The following PLEKHA5 variants were observed in gnomAD, a reference collection of about 807,000 sequenced individuals.
PLEKHA5 encodes the protein pleckstrin homology domain-containing family A member 5.
In PLEKHA5, 55 loss-of-function variants were observed where a neutral mutation model predicts 181.9. The ratio of observed to expected loss-of-function variants is 0.30; its 90% confidence interval spans 0.24 to 0.38. The LOEUF (loss-of-function observed/expected upper bound fraction) is 0.38. Among genes scored for constraint, PLEKHA5 ranks in the 10% least tolerant of loss-of-function variants. The probability of loss-of-function intolerance (pLI) is 1.00; values close to 1 mark genes in which losing one functional copy is unlikely to be tolerated. For synonymous variants in PLEKHA5, 535 were observed against 529.4 expected, an observed-to-expected ratio of 1.01 and a Z score of -0.15; for missense variants, 1,432 against 1,549.5, an observed-to-expected ratio of 0.92 and a Z score of 1.27.
At chr12:19,147,762 G>T (rs887143891) in intron 3 of PLEKHA5, among the ~76,000 whole-genome samples, 12 of 152,126 alleles carry the variant, frequency 7.9e-5, no homozygotes, top group Non-Finnish European at 1.6e-4. Flanking sequence ...TAGAGACAGG[G>T]TCTCACTCTG....
intron 20 of PLEKHA5, among the ~76,000 whole-genome samples, chr12:19,331,461 T>C (rs933689131): frequency 6.6e-6 from 1 of 152,174 alleles, no homozygotes; most frequent in Non-Finnish European, 1.5e-5. Context: ...CACCTCAGCC[T>C]CCCAAACTGC....
intron 3 of PLEKHA5, among the ~76,000 whole-genome samples, chr12:19,197,572 G>C (rs192866793): frequency 1.3e-5 from 2 of 152,094 alleles, no homozygotes; most frequent in Admixed American, 1.3e-4. Context: ...TGTCTTCTCT[G>C]ATAGAAGCTC....
At chr12:19,369,597 A>T in intron 30 of PLEKHA5, 96 bp from the exon 31 acceptor site, 1 of 658,604 alleles carries the variant, frequency 1.5e-6, no homozygotes, top group South Asian at 2.0e-5. Context: ...TTCTCAAAAC[A>T]TGTTCTAATT....
Position 19,371,588 on chromosome 12 carries a change from T to C in PLEKHA5, c.*11+1790T>C, listed in dbSNP as rs556238712. 155 of 183,678 alleles carry C rather than the reference T, an allele frequency of 8.4e-4. 1 individual carries two copies. The highest frequency in any genetic ancestry group is 3.5e-3 in the African/African-American group (146 of 42,212). 11.4% of individuals were successfully genotyped at this position (183,678 alleles called of 1,614,324 possible). A position where few individuals can be genotyped will look rare whatever the true frequency, so the allele number is the denominator to read the frequency against. ...TTGGTTTTCCTTTCCTGAGTTACTT[T>C]ACTTAGAATAATGGCCTCCAGCTCC... On this transcript the variant is annotated intron_variant, in intron 31 of 31. Coordinates refer to ENST00000429027, the MANE Select transcript of PLEKHA5 (RefSeq NM_001256470.2).
chr12:19,234,111 TC>T (rs2061038851), intron 3 of PLEKHA5, among the ~76,000 whole-genome samples: 1 of 152,234 alleles, frequency 6.6e-6, no homozygotes, highest in African/African-American at 2.4e-5. Flanking sequence ...TAACAGGGCA[TC>T]CTTTTTAAAT....
chr12:19,325,666 C>T (rs1460042228), intron 20 of PLEKHA5, among the ~76,000 whole-genome samples: 6 of 142,900 alleles, frequency 4.2e-5, no homozygotes, highest in African/African-American at 1.3e-4. Context: ...CCAGCCTGGG[C>T]GACAGAGCGA....
At chr12:19,170,441 T>C (rs2045626998) in intron 3 of PLEKHA5, among the ~76,000 whole-genome samples, 1 of 152,034 alleles carries the variant, frequency 6.6e-6, no homozygotes, top group Non-Finnish European at 1.5e-5. Context: ...TTTTTTTTTT[T>C]TTGGAGACAG....
chr12:19,312,659 C>T (rs754094839), intron 15 of PLEKHA5, among the ~76,000 whole-genome samples: 1 of 152,192 alleles, frequency 6.6e-6, no homozygotes, highest in Non-Finnish European at 1.5e-5. Context: ...TAGGCTTTGG[C>T]TTAAGGGAAT....
chr12:19,130,097 G>A lies in PLEKHA5; in HGVS notation c.136G>A (p.Ala46Thr). The A allele has an allele frequency of 6.3e-7, 1 of 1,588,150 alleles. No homozygotes were observed. The highest frequency in any genetic ancestry group is 8.6e-7 in the Non-Finnish European group (1 of 1,168,764). Residue 46 changes from alanine (A) to threonine (T), a missense_variant, in exon 2 of 32, where the codon GCG becomes ACG. Coordinates refer to ENST00000429027, the MANE Select transcript of PLEKHA5 (RefSeq NM_001256470.2). The surrounding 1 kb of genome is among the most constrained non-coding windows in gnomAD (Gnocchi z 4.5). ...TTWLHPVTGE[A>T]VVTGHRRQST... ...CTGGCTGCACCCCGTCACCGGCGAG[G>A]CGGTGGTCACCGGACACCGGCGGCA...
chr12:19,256,920 C>A (rs1175192406), intron 5 of PLEKHA5, among the ~76,000 whole-genome samples: 1 of 152,176 alleles, frequency 6.6e-6, no homozygotes, highest in Non-Finnish European at 1.5e-5. Flanking sequence ...AACACTACAT[C>A]ACATTAAGCA....
At chr12:19,174,143 G>C (rs1359995052) in intron 3 of PLEKHA5, among the ~76,000 whole-genome samples, 1 of 152,126 alleles carries the variant, frequency 6.6e-6, no homozygotes, top group Non-Finnish European at 1.5e-5. Flanking sequence ...TTTATTTTAA[G>C]ATATTTCTTT....
intron 3 of PLEKHA5, chr12:19,153,220 T>A (rs539668968): frequency 5.9e-5 from 9 of 152,286 alleles, no homozygotes; most frequent in African/African-American, 2.2e-4. Flanking sequence ...ATTCTCTATT[T>A]CTACTTTAGT....
At chr12:19,190,047 C>G (rs1475965695) in intron 3 of PLEKHA5, among the ~76,000 whole-genome samples, 1 of 152,122 alleles carries the variant, frequency 6.6e-6, no homozygotes, top group East Asian at 1.9e-4. Context: ...TCATTTCCTC[C>G]TTGTGTCGTA....
intron 22 of PLEKHA5, among the ~76,000 whole-genome samples, chr12:19,343,639 A>G (rs971547507): frequency 6.6e-6 from 1 of 152,220 alleles, no homozygotes; most frequent in African/African-American, 2.4e-5. Context: ...GCAAACCTGC[A>G]CAGCATGTGA....
chr12:19,226,142 G>C (rs190810433), intron 3 of PLEKHA5, among the ~76,000 whole-genome samples: 122 of 152,204 alleles, frequency 8.0e-4, no homozygotes, highest in African/African-American at 2.8e-3. Flanking sequence ...TCTGCTTTCT[G>C]TCTCTATGGA....
chr12:19,331,130 A>C (rs1451148537), intron 20 of PLEKHA5, among the ~76,000 whole-genome samples: 1 of 152,122 alleles, frequency 6.6e-6, no homozygotes, highest in East Asian at 1.9e-4. Flanking sequence ...AATAGTAATT[A>C]TTTGCTTTTT....
At chr12:19,239,172 C>G (rs1203716333) in intron 3 of PLEKHA5, among the ~76,000 whole-genome samples, 2 of 152,082 alleles carry the variant, frequency 1.3e-5, no homozygotes, top group African/African-American at 4.8e-5. Context: ...AAGTTAAATA[C>G]GAGGAGGATA....
At chr12:19,229,442 G>A (rs1276119673) in intron 3 of PLEKHA5, among the ~76,000 whole-genome samples, 1 of 152,084 alleles carries the variant, frequency 6.6e-6, no homozygotes, top group East Asian at 1.9e-4. Flanking sequence ...GGCTTCAGGA[G>A]TGAAGCTGCA....
intron 15 of PLEKHA5, among the ~76,000 whole-genome samples, chr12:19,300,856 C>CG (rs1234107035): frequency 6.6e-6 from 1 of 151,530 alleles, no homozygotes; most frequent in Admixed American, 6.6e-5. Context: ...AAAATTTGGA[C>CG]GGGTGCGGTG....
Sources: allele counts gnomAD v4.1 joint callset (sites outside exome capture counted in the v4.1 genomes callset), GRCh38; gene constraint gnomAD v4.1.1; non-coding constraint Gnocchi (gnomAD v3.1); transcripts MANE v1.5; gene names NCBI Gene and HGNC (gene_info 2026-07-23, HGNC 2026-07-21).